The following DCDC1 variants were observed in gnomAD, a reference collection of about 807,000 sequenced individuals.
DCDC1 encodes doublecortin domain containing 1, also known as doublecortin domain-containing protein 1.
DCDC1 carries 200 observed loss-of-function variants against 178.3 expected under a neutral mutation model. The observed-to-expected ratio is 1.12, with a 90% CI of 1.00 to 1.26. The LOEUF (loss-of-function observed/expected upper bound fraction) is 1.26, where lower values mean the gene tolerates loss of function less well. Among genes scored for constraint, DCDC1 ranks in the 50% most tolerant of loss-of-function variants. The pLI is 0.00. For synonymous variants in DCDC1, 690 were observed against 604.8 expected (o/e 1.14, Z -2.07); for missense variants, 1,983 against 1,749.2 (o/e 1.13, Z -2.38).
chr11:31,102,319 A>C (rs1235152511), intron 14 of DCDC1, 37 bp from the exon 15 acceptor site: 1 of 633,582 alleles, frequency 1.6e-6, no homozygotes, highest in African/African-American at 1.8e-5. Context: ...TTTTATTAGA[A>C]TAATATGCAT....
At chr11:31,255,483 G>T (rs537352973) in intron 8 of DCDC1, among the ~76,000 whole-genome samples, 1 of 151,968 alleles carries the variant, frequency 6.6e-6, no homozygotes, top group South Asian at 2.1e-4. Flanking sequence ...CTGTGTGTGT[G>T]TGTGAGTATG....
intron 9 of DCDC1, among the ~76,000 whole-genome samples, chr11:31,219,886 C>G (rs776972103): frequency 3.2e-4 from 48 of 152,002 alleles, no homozygotes; most frequent in Non-Finnish European, 5.1e-4. Flanking sequence ...AGATAAGAAA[C>G]CTGAAAACAG....
intron 9 of DCDC1, among the ~76,000 whole-genome samples, chr11:31,140,704 G>C (rs1189724171): frequency 6.6e-6 from 1 of 152,030 alleles, no homozygotes; most frequent in East Asian, 1.9e-4. Flanking sequence ...GGTCTGGTTA[G>C]ACAAACAGAA....
chr11:31,076,460 C>A (rs1956871324), intron 18 of DCDC1, among the ~76,000 whole-genome samples: 1 of 152,010 alleles, frequency 6.6e-6, no homozygotes, highest in Non-Finnish European at 1.5e-5. Flanking sequence ...GCAATCCTCC[C>A]ACCTCAGCCT....
intron 7 of DCDC1, among the ~76,000 whole-genome samples, chr11:31,288,272 G>A (rs1946981834): frequency 6.6e-6 from 1 of 151,814 alleles, no homozygotes; most frequent in South Asian, 2.1e-4. Flanking sequence ...TCAAACCATG[G>A]ATGTGTATGT....
intron 20 of DCDC1, among the ~76,000 whole-genome samples, chr11:31,035,380 C>A (rs1290984669): frequency 6.6e-6 from 1 of 152,198 alleles, no homozygotes. Flanking sequence ...TTAGTTATCA[C>A]GTCTCCTTAG....
At chr11:30,988,718 G>T (rs561452498) in intron 20 of DCDC1, among the ~76,000 whole-genome samples, 2 of 151,646 alleles carry the variant, frequency 1.3e-5, no homozygotes, top group African/African-American at 2.4e-5. Flanking sequence ...TAACTGATGA[G>T]AAAAAAAACG....
intron 10 of DCDC1, among the ~76,000 whole-genome samples, chr11:31,134,608 A>G (rs1201949823): frequency 6.6e-6 from 1 of 152,182 alleles, no homozygotes; most frequent in Non-Finnish European, 1.5e-5. Context: ...ATAACATTCT[A>G]CACATTTAAT....
chr11:31,289,654 G>A (rs1404297556), intron 7 of DCDC1, among the ~76,000 whole-genome samples: 1 of 151,998 alleles, frequency 6.6e-6, no homozygotes, highest in Non-Finnish European at 1.5e-5. Context: ...ACTAATTTCT[G>A]TTAGGTGCAT....
chr11:30,989,328 T>C (rs551400429), intron 20 of DCDC1, among the ~76,000 whole-genome samples: 7 of 152,220 alleles, frequency 4.6e-5, no homozygotes, highest in Non-Finnish European at 8.8e-5. Context: ...CAATATTTCA[T>C]TTAATGTGAG....
chr11:31,138,111 G>A (rs1031906802), intron 9 of DCDC1, among the ~76,000 whole-genome samples: 1 of 152,012 alleles, frequency 6.6e-6, no homozygotes, highest in African/African-American at 2.4e-5. Flanking sequence ...AAAAAAATTA[G>A]GTTAATATTT....
intron 20 of DCDC1, among the ~76,000 whole-genome samples, chr11:31,032,515 T>C (rs548597191): frequency 6.6e-6 from 1 of 152,066 alleles, no homozygotes; most frequent in African/African-American, 2.4e-5. Flanking sequence ...AGATACATAA[T>C]TGTATTATAC....
intron 21 of DCDC1, among the ~76,000 whole-genome samples, chr11:30,933,343 T>C (rs1266012153): frequency 1.3e-5 from 2 of 152,150 alleles, no homozygotes; most frequent in Non-Finnish European, 2.9e-5. Context: ...GGTTAAGAAA[T>C]TTATATTTTG....
At chr11:31,288,101 C>T (rs1436511909) in intron 7 of DCDC1, among the ~76,000 whole-genome samples, 2 of 151,976 alleles carry the variant, frequency 1.3e-5, no homozygotes, top group East Asian at 3.9e-4. Context: ...AAATAATCCA[C>T]ACAGCCATCA....
chr11:31,302,215 C>T (rs1191217371), intron 6 of DCDC1, among the ~76,000 whole-genome samples: 1 of 152,116 alleles, frequency 6.6e-6, no homozygotes, highest in Non-Finnish European at 1.5e-5. Context: ...AATCACAGGG[C>T]ACGAACCATT....
At chr11:30,869,111 T>C (rs1426148312) in intron 38 of DCDC1, among the ~76,000 whole-genome samples, 2 of 152,212 alleles carry the variant, frequency 1.3e-5, no homozygotes, top group Admixed American at 1.3e-4. Flanking sequence ...TGGTCTCTGA[T>C]GGAAGAAAAG....
intron 20 of DCDC1, among the ~76,000 whole-genome samples, chr11:31,055,402 T>C (rs559180688): frequency 6.6e-6 from 1 of 152,186 alleles, no homozygotes; most frequent in South Asian, 2.1e-4. Flanking sequence ...ACTAGTACAA[T>C]CACTATGTTT....
chr11:31,281,521 G>A (rs1946430307), intron 7 of DCDC1, among the ~76,000 whole-genome samples: 1 of 151,766 alleles, frequency 6.6e-6, no homozygotes, highest in Admixed American at 6.6e-5. Flanking sequence ...TGAGCATATG[G>A]CTTTTTCCAT....
chr11:31,213,811 A>G (rs974411178), intron 9 of DCDC1, among the ~76,000 whole-genome samples: 2 of 152,046 alleles, frequency 1.3e-5, no homozygotes, highest in Admixed American at 6.6e-5. Flanking sequence ...CAAGAATATT[A>G]CTAATATTAC....
Sources: gnomAD v4.1 joint callset for allele counts (sites outside exome capture counted in the v4.1 genomes callset) on GRCh38, gnomAD v4.1.1 for gene constraint, MANE v1.5 for transcripts, NCBI Gene and HGNC (gene_info 2026-07-23, HGNC 2026-07-21) for gene names.